PAK5: variants seen among roughly 807,000 people sequenced by gnomAD.
PAK5 encodes the protein serine/threonine-protein kinase PAK 5.
PAK5 carries 16 observed loss-of-function variants against 65.9 expected under a neutral mutation model. That is an observed-to-expected ratio of 0.24 (90% confidence interval 0.16 to 0.37). The LOEUF is 0.37. Ranked by LOEUF, PAK5 falls within the 10% of genes least tolerant of loss-of-function variation. PAK5 has a pLI of 1.00. For missense variants in PAK5, 785 were observed against 903.9 expected (o/e 0.87, Z 1.69); for synonymous variants, 371 against 354.9 (o/e 1.05, Z -0.51).
At chr20:9,836,415 A>G (rs930541856) in intron 1 of PAK5, among the ~76,000 whole-genome samples, 6 of 152,244 alleles carry the variant, frequency 3.9e-5, no homozygotes, top group Non-Finnish European at 7.3e-5. Context: ...ATTTGGACAC[A>G]GGGACAGAGA....
chr20:9,766,650 A>C (rs911160996), intron 1 of PAK5, among the ~76,000 whole-genome samples: 14 of 151,168 alleles, frequency 9.3e-5, no homozygotes, highest in African/African-American at 2.2e-4. Flanking sequence ...AAAAGAAGCC[A>C]ACATGAGACA....
intron 1 of PAK5, among the ~76,000 whole-genome samples, chr20:9,820,070 A>G (rs2049401945): frequency 6.6e-6 from 1 of 152,216 alleles, no homozygotes; most frequent in Non-Finnish European, 1.5e-5. Flanking sequence ...TCTGCTATAC[A>G]GGTCAACAAA....
chr20:9,774,871 G>C (rs2048870596), intron 1 of PAK5, among the ~76,000 whole-genome samples: 1 of 152,154 alleles, frequency 6.6e-6, no homozygotes, highest in Non-Finnish European at 1.5e-5. Context: ...CAGGAGAATA[G>C]CGTGAACCCA....
chr20:9,791,504 T>G (rs1313915506), intron 1 of PAK5, among the ~76,000 whole-genome samples: 1 of 152,042 alleles, frequency 6.6e-6, no homozygotes, highest in Non-Finnish European at 1.5e-5. Context: ...TTGACCTATA[T>G]AAGACTTCCA....
At chr20:9,548,368 CT>C (rs76455648) in intron 7 of PAK5, among the ~76,000 whole-genome samples, 14,501 of 147,882 alleles carry the variant, frequency 0.098, 858 homozygotes, top group East Asian at 0.3. Flanking sequence ...TGATCACTCT[CT>C]TTTTTTTTTT....
At chr20:9,744,038 T>G (rs2123595160) in intron 1 of PAK5, among the ~76,000 whole-genome samples, 1 of 152,282 alleles carries the variant, frequency 6.6e-6, no homozygotes, top group East Asian at 1.9e-4. Flanking sequence ...CCTTGAAGAC[T>G]GCAGGATGTG....
intron 1 of PAK5, among the ~76,000 whole-genome samples, chr20:9,738,595 A>C (rs1258534770): frequency 1.3e-5 from 2 of 152,210 alleles, no homozygotes; most frequent in Non-Finnish European, 2.9e-5. Flanking sequence ...CATTTATATA[A>C]AATTCTAGGA....
intron 3 of PAK5, among the ~76,000 whole-genome samples, chr20:9,625,059 A>G (rs900627102): frequency 6.6e-6 from 1 of 152,042 alleles, no homozygotes; most frequent in Admixed American, 6.6e-5. Flanking sequence ...TACTACCACT[A>G]CCACCACTGC....
intron 1 of PAK5, among the ~76,000 whole-genome samples, chr20:9,763,905 C>T (rs961973837): frequency 4.6e-5 from 7 of 152,022 alleles, no homozygotes; most frequent in African/African-American, 1.7e-4. Flanking sequence ...TATGCGTATC[C>T]TTTTTTTCTG....
At chr20:9,747,146 C>G (rs900665064) in intron 1 of PAK5, among the ~76,000 whole-genome samples, 1 of 152,074 alleles carries the variant, frequency 6.6e-6, no homozygotes, top group Non-Finnish European at 1.5e-5. Flanking sequence ...AAGAAGTTGA[C>G]TCTCTGAATA....
intron 3 of PAK5, among the ~76,000 whole-genome samples, chr20:9,636,378 A>G (rs2046983369): frequency 1.3e-5 from 2 of 152,222 alleles, no homozygotes; most frequent in Non-Finnish European, 2.9e-5. Context: ...TGGGATGGCC[A>G]GACCTAAAGA....
At chr20:9,644,435 TC>T in intron 2 of PAK5, 96 bp from the exon 3 acceptor site, 2 of 753,472 alleles carry the variant, frequency 2.7e-6, no homozygotes, top group South Asian at 3.3e-5. Context: ...CAACATCTTT[TC>T]AGTTATTCCT....
intron 1 of PAK5, among the ~76,000 whole-genome samples, chr20:9,834,732 G>A (rs1013051243): frequency 1.3e-5 from 2 of 152,054 alleles, no homozygotes; most frequent in African/African-American, 4.8e-5. Context: ...ATTATGGACA[G>A]GAATTGAAGA....
chr20:9,715,237 A>G (rs1305624638), intron 1 of PAK5, among the ~76,000 whole-genome samples: 2 of 152,212 alleles, frequency 1.3e-5, no homozygotes, highest in Non-Finnish European at 2.9e-5. Context: ...TGGGCAAAGG[A>G]TATGAACAGA....
chr20:9,764,534 A>C (rs1268746828), intron 1 of PAK5, among the ~76,000 whole-genome samples: 1 of 152,156 alleles, frequency 6.6e-6, no homozygotes, highest in East Asian at 1.9e-4. Flanking sequence ...CCTTTAGCCC[A>C]GTGGTTTTAG....
At chr20:9,569,712 A>G (rs975759067) in intron 4 of PAK5, among the ~76,000 whole-genome samples, 7 of 149,168 alleles carry the variant, frequency 4.7e-5, no homozygotes, top group Non-Finnish European at 7.4e-5. Flanking sequence ...CTATCACATC[A>G]TGGAGCAATA....
intron 9 of PAK5, among the ~76,000 whole-genome samples, chr20:9,539,906 A>T (rs1459005391): frequency 6.6e-6 from 1 of 152,234 alleles, no homozygotes; most frequent in East Asian, 1.9e-4. Context: ...CAGCTATTAC[A>T]AAATATTTAG....
intron 1 of PAK5, among the ~76,000 whole-genome samples, chr20:9,788,693 TGG>T (rs1437691154): frequency 6.6e-6 from 1 of 152,168 alleles, no homozygotes; most frequent in Non-Finnish European, 1.5e-5. Flanking sequence ...ACTGGATATG[TGG>T]ACACAATTTT....
chr20:9,772,748 T>A (rs2048847954), intron 1 of PAK5, among the ~76,000 whole-genome samples: 1 of 152,208 alleles, frequency 6.6e-6, no homozygotes. Context: ...GCCATGCATA[T>A]CCCCTGGGTC....
Sources: gnomAD v4.1 joint callset for allele counts (sites outside exome capture counted in the v4.1 genomes callset) on GRCh38, gnomAD v4.1.1 for gene constraint, MANE v1.5 for transcripts, NCBI Gene and HGNC (gene_info 2026-07-23, HGNC 2026-07-21) for gene names.